LAMA2: variants seen among roughly 807,000 people sequenced by gnomAD.
The protein encoded by LAMA2 is laminin subunit alpha-2.
In LAMA2, 269 loss-of-function variants were observed where a neutral mutation model predicts 364.8. The ratio of observed to expected loss-of-function variants is 0.74; its 90% CI spans 0.67 to 0.82. The LOEUF is 0.82. LAMA2 is among the 40% of genes least tolerant of loss of function. The pLI is 0.00. For synonymous variants in LAMA2, 1,379 were observed against 1,370.6 expected (o/e 1.01, Z -0.14); for missense variants, 3,807 against 3,873.2 (o/e 0.98, Z 0.45).
intron 1 of LAMA2, among the ~76,000 whole-genome samples, chr6:128,923,923 G>A (rs1173112505): frequency 6.6e-6 from 1 of 152,060 alleles, no homozygotes; most frequent in Non-Finnish European, 1.5e-5. Flanking sequence ...TGGGGAGCTG[G>A]CACCTAGGTC....
At chr6:129,039,789 C>G (rs934920967) in intron 1 of LAMA2, among the ~76,000 whole-genome samples, 1 of 152,180 alleles carries the variant, frequency 6.6e-6, no homozygotes, top group Non-Finnish European at 1.5e-5. Context: ...ATATGGTTCA[C>G]GTTCCTGTGA....
chr6:128,902,040 C>G (rs1452053058), intron 1 of LAMA2, among the ~76,000 whole-genome samples: 1 of 152,178 alleles, frequency 6.6e-6, no homozygotes, highest in Non-Finnish European at 1.5e-5. Context: ...ACACATTCTT[C>G]TTCATGATGT....
chr6:129,074,475 C>T (rs1378619532), intron 3 of LAMA2, among the ~76,000 whole-genome samples: 1 of 152,116 alleles, frequency 6.6e-6, no homozygotes, highest in East Asian at 1.9e-4. Context: ...ATAAAAGTAC[C>T]CTGAGAGGAA....
chr6:129,053,937 G>T (rs1038191024), intron 2 of LAMA2, among the ~76,000 whole-genome samples: 5 of 152,196 alleles, frequency 3.3e-5, no homozygotes, highest in African/African-American at 9.6e-5. Context: ...AGGCAGGGAA[G>T]TTGAAGACCA....
chr6:129,243,831 C>T (rs1785552147), intron 12 of LAMA2, among the ~76,000 whole-genome samples: 1 of 147,852 alleles, frequency 6.8e-6, no homozygotes, highest in Non-Finnish European at 1.5e-5. Context: ...TCAAAACAGT[C>T]TAATGGCTAC....
chr6:129,285,226 C>A (rs1789020472), intron 18 of LAMA2, among the ~76,000 whole-genome samples: 1 of 152,156 alleles, frequency 6.6e-6, no homozygotes, highest in Non-Finnish European at 1.5e-5. Context: ...CTTCAGAAAT[C>A]TCTAATACTG....
At chr6:128,984,637 G>C (rs570869653) in intron 1 of LAMA2, among the ~76,000 whole-genome samples, 2 of 142,092 alleles carry the variant, frequency 1.4e-5, no homozygotes, top group East Asian at 4.2e-4. Context: ...TTCTTTTGTA[G>C]AGATGAGAAT....
intron 3 of LAMA2, among the ~76,000 whole-genome samples, chr6:129,080,726 T>TA: frequency 6.6e-6 from 1 of 152,104 alleles, no homozygotes; most frequent in Non-Finnish European, 1.5e-5. Flanking sequence ...TGGCGATCAT[T>TA]AAAAAGTCAG....
At chr6:128,929,250 G>T in intron 1 of LAMA2, 1 of 1,436,164 alleles carries the variant, frequency 7.0e-7, no homozygotes, top group South Asian at 1.1e-5. Flanking sequence ...TACTGTAAGA[G>T]ACCGTCAATG....
At chr6:129,165,139 A>G (rs12197184) in intron 8 of LAMA2, among the ~76,000 whole-genome samples, 3,301 of 151,944 alleles carry the variant, frequency 0.022, 58 homozygotes, top group South Asian at 0.041. Flanking sequence ...ATATATATAC[A>G]TATGAACTAT....
At chr6:129,200,340 GTA>G (rs1782176915) in intron 12 of LAMA2, among the ~76,000 whole-genome samples, 1 of 116,274 alleles carries the variant, frequency 8.6e-6, no homozygotes. Context: ...ACATATACAC[GTA>G]TATGTGTACA....
At chr6:129,100,350 C>T (rs996329499) in intron 4 of LAMA2, among the ~76,000 whole-genome samples, 11 of 152,246 alleles carry the variant, frequency 7.2e-5, no homozygotes, top group South Asian at 2.1e-4. Context: ...TGTTTCCTTA[C>T]GTCTATTTGT....
At chr6:129,246,649 C>T (rs995827387) in intron 12 of LAMA2, among the ~76,000 whole-genome samples, 7 of 151,992 alleles carry the variant, frequency 4.6e-5, no homozygotes, top group Admixed American at 3.9e-4. Context: ...CTTTCCCTAT[C>T]AAAAAAACTG....
At chr6:129,019,904 C>T (rs965935111) in intron 1 of LAMA2, among the ~76,000 whole-genome samples, 15 of 151,886 alleles carry the variant, frequency 9.9e-5, no homozygotes, top group African/African-American at 3.4e-4. Flanking sequence ...GCCAACATGG[C>T]GAAACCCTGG....
chr6:129,206,631 G>A (rs1341369082), intron 12 of LAMA2, among the ~76,000 whole-genome samples: 2 of 152,144 alleles, frequency 1.3e-5, no homozygotes, highest in Non-Finnish European at 2.9e-5. Flanking sequence ...GAAACATAAA[G>A]CTTACATTTT....
At chr6:129,361,910 G>A (rs960771654) in intron 32 of LAMA2, among the ~76,000 whole-genome samples, 7 of 146,976 alleles carry the variant, frequency 4.8e-5, no homozygotes, top group African/African-American at 1.0e-4. Flanking sequence ...TCAGCCTCCC[G>A]AGTAGCGGGA....
intron 22 of LAMA2, among the ~76,000 whole-genome samples, chr6:129,309,346 T>TG (rs1774069112): frequency 6.6e-6 from 1 of 152,252 alleles, no homozygotes; most frequent in South Asian, 2.1e-4. Flanking sequence ...ACATGGTTAA[T>TG]GGTCTGGTTT....
intron 7 of LAMA2, among the ~76,000 whole-genome samples, chr6:129,149,467 G>T (rs1162257050): frequency 6.6e-6 from 1 of 152,060 alleles, no homozygotes; most frequent in Non-Finnish European, 1.5e-5. Flanking sequence ...CAGTAAATCA[G>T]CCCTAACCAC....
intron 8 of LAMA2, among the ~76,000 whole-genome samples, chr6:129,160,477 C>G (rs1779382638): frequency 6.6e-6 from 1 of 151,862 alleles, no homozygotes; most frequent in South Asian, 2.1e-4. Context: ...GTGCTTTTCT[C>G]CTTTTATTGA....
Sources: gnomAD v4.1 joint callset for allele counts (sites outside exome capture counted in the v4.1 genomes callset) on GRCh38, gnomAD v4.1.1 for gene constraint, MANE v1.5 for transcripts, NCBI Gene and HGNC (gene_info 2026-07-23, HGNC 2026-07-21) for gene names.